CDH12: variants seen among roughly 807,000 people sequenced by gnomAD.
CDH12 encodes the protein cadherin 12.
In CDH12, 41 loss-of-function variants were observed where a neutral mutation model predicts 74.1. The ratio of observed to expected loss-of-function variants is 0.55; its 90% CI spans 0.43 to 0.72. CDH12 has a LOEUF of 0.72. Among genes scored for constraint, CDH12 ranks in the 30% least tolerant of loss-of-function variants. The pLI, the probability that CDH12 is intolerant of heterozygous loss-of-function variation, is 0.00. For synonymous variants in CDH12, 399 were observed against 355.0 expected (o/e 1.12, Z -1.39); for missense variants, 945 against 977.2 (o/e 0.97, Z 0.44).
At chr5:22,463,945 T>G (rs1393362347) in intron 2 of CDH12, among the ~76,000 whole-genome samples, 1 of 152,230 alleles carries the variant, frequency 6.6e-6, no homozygotes, top group Non-Finnish European at 1.5e-5. Flanking sequence ...GTTATAAGAT[T>G]CCATACCATT....
At chr5:22,826,965 G>A (rs902225737) in intron 1 of CDH12, among the ~76,000 whole-genome samples, 3 of 152,194 alleles carry the variant, frequency 2.0e-5, no homozygotes, top group Admixed American at 6.5e-5. Flanking sequence ...CATAAGTAAC[G>A]AGGAGCAGAA....
intron 3 of CDH12, among the ~76,000 whole-genome samples, chr5:22,387,951 C>T (rs987058341): frequency 2.0e-5 from 3 of 152,114 alleles, no homozygotes; most frequent in South Asian, 2.1e-4. Flanking sequence ...CTATCAGGCT[C>T]ATCATAAGAG....
chr5:22,234,715 T>C (rs1752503667), intron 3 of CDH12, among the ~76,000 whole-genome samples: 1 of 152,080 alleles, frequency 6.6e-6, no homozygotes. Context: ...TGTATGTGTG[T>C]GTAGATATTT....
At chr5:22,698,494 C>T (rs554781388) in intron 1 of CDH12, among the ~76,000 whole-genome samples, 1 of 151,228 alleles carries the variant, frequency 6.6e-6, no homozygotes, top group African/African-American at 2.4e-5. Flanking sequence ...GTCATTGAAG[C>T]TCGTTAAAGC....
rs191883090 is a variant in CDH12 at position 22,065,536 on chromosome 5, A to C, written c.231+12910T>G. Among the ~76,000 whole-genome samples, 38 of 152,246 alleles carry C rather than the reference A, an allele frequency of 2.5e-4. No individual in the cohort carries two copies. In the East Asian group the frequency reaches 7.0e-3, roughly 28 times the overall value. On this transcript the variant is annotated intron_variant, in intron 5 of 14. Transcript: ENST00000382254. ...TCACAACTTTGGTCACTAACAATGG[A>C]AGACAAAACTCAAAGGCCTAGGGAC...
chr5:22,306,070 C>G (rs531567313), intron 3 of CDH12, among the ~76,000 whole-genome samples: 1 of 152,108 alleles, frequency 6.6e-6, no homozygotes, highest in African/African-American at 2.4e-5. Context: ...CTCCCTGTGC[C>G]ATGCTCTTTA....
At chr5:22,607,412 C>T (rs938285321) in intron 1 of CDH12, among the ~76,000 whole-genome samples, 3 of 152,142 alleles carry the variant, frequency 2.0e-5, no homozygotes, top group South Asian at 2.1e-4. Context: ...CCCGGGGAGG[C>T]CTCAGAATCA....
At chr5:22,715,662 G>T (rs887689940) in intron 1 of CDH12, among the ~76,000 whole-genome samples, 1 of 151,844 alleles carries the variant, frequency 6.6e-6, no homozygotes, top group Non-Finnish European at 1.5e-5. Flanking sequence ...TTAGCCAGGC[G>T]TGGTGTCAGG....
intron 1 of CDH12, among the ~76,000 whole-genome samples, chr5:22,534,976 ATTT>A (rs546689277): frequency 2.2e-5 from 3 of 137,094 alleles, no homozygotes; most frequent in East Asian, 2.1e-4. Flanking sequence ...TTTCTATTGC[ATTT>A]TTTTTTTTTT....
chr5:22,570,978 C>T (rs375690430), intron 1 of CDH12, among the ~76,000 whole-genome samples: 46 of 152,252 alleles, frequency 3.0e-4, no homozygotes, highest in African/African-American at 2.9e-4. Context: ...ATAGAGATGG[C>T]TTATTTTCTT....
At chr5:22,591,363 A>G (rs10941965) in intron 1 of CDH12, among the ~76,000 whole-genome samples, 22,759 of 152,128 alleles carry the variant, frequency 0.15, 2,214 homozygotes, top group East Asian at 0.33. Context: ...TGAAACAATG[A>G]CCTGAAAAAA....
intron 8 of CDH12, among the ~76,000 whole-genome samples, chr5:21,819,814 A>T (rs1748265540): frequency 6.6e-6 from 1 of 151,952 alleles, no homozygotes; most frequent in South Asian, 2.1e-4. Context: ...GAGAGTCATA[A>T]GGAGCGGAGT....
At chr5:22,293,847 G>A (rs945867419) in intron 3 of CDH12, among the ~76,000 whole-genome samples, 1 of 152,040 alleles carries the variant, frequency 6.6e-6, no homozygotes, top group African/African-American at 2.4e-5. Flanking sequence ...GGTGGTTGGG[G>A]GTTAAGGTGG....
At chr5:22,169,872 A>G (rs545804438) in intron 4 of CDH12, among the ~76,000 whole-genome samples, 3 of 151,994 alleles carry the variant, frequency 2.0e-5, no homozygotes, top group South Asian at 4.2e-4. Context: ...TATTTTTGAG[A>G]TTCCATCCTG....
At chr5:22,000,731 G>A (rs1388045220) in intron 5 of CDH12, among the ~76,000 whole-genome samples, 1 of 151,872 alleles carries the variant, frequency 6.6e-6, no homozygotes, top group African/African-American at 2.4e-5. Flanking sequence ...AGTGATGATC[G>A]GATAGTGCAC....
intron 5 of CDH12, among the ~76,000 whole-genome samples, chr5:22,039,948 A>G (rs553165814): frequency 6.6e-6 from 1 of 152,222 alleles, no homozygotes; most frequent in South Asian, 2.1e-4. Context: ...AGAACACAAG[A>G]ACCCTCCAGT....
chr5:22,279,141 C>A (rs1580474956), intron 3 of CDH12, among the ~76,000 whole-genome samples: 1 of 152,054 alleles, frequency 6.6e-6, no homozygotes, highest in East Asian at 1.9e-4. Flanking sequence ...TTTTACCACT[C>A]AAAAATTTTG....
intron 1 of CDH12, among the ~76,000 whole-genome samples, chr5:22,688,123 T>TCATTGTGTGCG (rs1741907670): frequency 6.6e-6 from 1 of 152,114 alleles, no homozygotes; most frequent in Non-Finnish European, 1.5e-5. Flanking sequence ...TAGTCCCGTT[T>TCATTGTGTGCG]CATTGTGTGC....
intron 3 of CDH12, among the ~76,000 whole-genome samples, chr5:22,311,430 C>T (rs1444446373): frequency 2.6e-5 from 4 of 152,082 alleles, no homozygotes; most frequent in East Asian, 1.9e-4. Context: ...GTGGGCCGGG[C>T]GCGGTGGCTC....
Sources: gnomAD v4.1 joint callset for allele counts (sites outside exome capture counted in the v4.1 genomes callset) on GRCh38, gnomAD v4.1.1 for gene constraint, MANE v1.5 for transcripts, NCBI Gene and HGNC (gene_info 2026-07-23, HGNC 2026-07-21) for gene names.